Variants in ZFAND3 observed in about 807,000 individuals in gnomAD.
The protein encoded by ZFAND3 is zinc finger AN1-type containing 3.
ZFAND3 carries 10 observed loss-of-function variants against 29.6 expected under a neutral mutation model. The observed-to-expected ratio is 0.34, with a 90% confidence interval of 0.21 to 0.57. The LOEUF (loss-of-function observed/expected upper bound fraction) is 0.57. ZFAND3 is among the 20% of genes least tolerant of loss of function. The pLI is 0.86. For missense variants in ZFAND3, 230 were observed against 304.5 expected, an observed-to-expected ratio of 0.76 and a Z score of 1.82; for synonymous variants, 128 against 112.6, an observed-to-expected ratio of 1.14 and a Z score of -0.87.
chr6:38,038,028 T>TG (rs1469898751), intron 2 of ZFAND3, among the ~76,000 whole-genome samples: 2 of 152,126 alleles, frequency 1.3e-5, no homozygotes, highest in African/African-American at 4.8e-5. Context: ...ACAGAGAGAT[T>TG]GGAGGGTAAA....
At chr6:37,981,792 A>AG (rs2127432554) in intron 2 of ZFAND3, among the ~76,000 whole-genome samples, 1 of 152,260 alleles carries the variant, frequency 6.6e-6, no homozygotes, top group African/African-American at 2.4e-5. Context: ...GCCAGGGTTA[A>AG]GGATGCACCT....
intron 1 of ZFAND3, among the ~76,000 whole-genome samples, chr6:37,876,573 A>G (rs1764796183): frequency 1.3e-5 from 2 of 152,220 alleles, no homozygotes; most frequent in Admixed American, 1.3e-4. Context: ...TCTTGTATAT[A>G]TTCATGTAGT....
chr6:37,972,698 T>G (rs76373871), intron 2 of ZFAND3, among the ~76,000 whole-genome samples: 1 of 101,888 alleles, frequency 9.8e-6, no homozygotes, highest in East Asian at 4.1e-4. Context: ...GGCCTATTAA[T>G]TTTTTTTTTT....
chr6:37,850,222 G>A (rs1294950634), intron 1 of ZFAND3, among the ~76,000 whole-genome samples: 5 of 152,190 alleles, frequency 3.3e-5, no homozygotes, highest in Admixed American at 2.0e-4. Flanking sequence ...TTCAGTTGAA[G>A]CTCTTTAGAG....
intron 5 of ZFAND3, among the ~76,000 whole-genome samples, chr6:38,137,237 A>G (rs1160364789): frequency 6.6e-6 from 1 of 152,228 alleles, no homozygotes. Flanking sequence ...CTGTTAGGAA[A>G]GTAAACGTGC....
intron 2 of ZFAND3, among the ~76,000 whole-genome samples, chr6:37,934,940 C>T (rs763733017): frequency 2.4e-4 from 36 of 151,956 alleles, no homozygotes; most frequent in Non-Finnish European, 4.4e-4. Flanking sequence ...CTACCTTCCC[C>T]GTCAGTCCCC....
At chr6:38,057,503 C>T (rs1025043587) in intron 2 of ZFAND3, among the ~76,000 whole-genome samples, 3 of 152,192 alleles carry the variant, frequency 2.0e-5, no homozygotes, top group African/African-American at 7.2e-5. Context: ...GTTAAGTACT[C>T]ATGTGCTAGG....
chr6:38,107,654 A>G (rs1765235019), intron 4 of ZFAND3, among the ~76,000 whole-genome samples: 1 of 152,178 alleles, frequency 6.6e-6, no homozygotes, highest in Admixed American at 6.5e-5. Flanking sequence ...CAACATGGCA[A>G]AACTCTGTCT....
rs1761216339 is a variant in ZFAND3 at position 37,915,068 on chromosome 6, T to C, written c.72-14891T>C. 1.3e-5 allele frequency among the ~76,000 whole-genome samples: 2 copies of C among 152,242 alleles called. 1 individual carries two copies. The highest frequency in any genetic ancestry group is 4.1e-4 in the South Asian group (2 of 4,834). Reference sequence around the variant, plus strand: ...TAGCTAGATCTTTTGGATAACTTGTTCCAGCTTGTACAACAGCACTTGCTG... The same window carrying C: ...TAGCTAGATCTTTTGGATAACTTGTCCCAGCTTGTACAACAGCACTTGCTG... On this transcript the variant is annotated intron_variant, in intron 1 of 5. Coordinates refer to ENST00000287218, the MANE Select transcript of ZFAND3 (RefSeq NM_021943.3).
chr6:37,941,185 T>C (rs530308384), intron 2 of ZFAND3, among the ~76,000 whole-genome samples: 131 of 152,366 alleles, frequency 8.6e-4, no homozygotes, highest in Admixed American at 1.8e-3. Context: ...ATTTGATCAA[T>C]GGAAGTTTAG....
intron 2 of ZFAND3, among the ~76,000 whole-genome samples, chr6:37,954,675 A>T (rs1335994341): frequency 6.6e-6 from 1 of 151,948 alleles, no homozygotes; most frequent in Non-Finnish European, 1.5e-5. Flanking sequence ...TTATTACTGT[A>T]TTTTGTCTCG....
chr6:38,033,928 G>T (rs934546676), intron 2 of ZFAND3, among the ~76,000 whole-genome samples: 3 of 151,976 alleles, frequency 2.0e-5, no homozygotes, highest in African/African-American at 7.3e-5. Context: ...GTTTAAAAGG[G>T]TACTTACTGT....
chr6:38,123,823 G>A (rs1765579392), intron 5 of ZFAND3, among the ~76,000 whole-genome samples: 1 of 152,132 alleles, frequency 6.6e-6, no homozygotes, highest in Non-Finnish European at 1.5e-5. Context: ...GGCTTCAGGA[G>A]TGAAGCTGCA....
At chr6:37,911,767 T>G (rs988778455) in intron 1 of ZFAND3, among the ~76,000 whole-genome samples, 1 of 152,164 alleles carries the variant, frequency 6.6e-6, no homozygotes, top group African/African-American at 2.4e-5. Context: ...TGTTAGACAT[T>G]CAGTTCAACA....
At chr6:38,116,113 A>G (rs1765411937) in intron 4 of ZFAND3, among the ~76,000 whole-genome samples, 1 of 152,240 alleles carries the variant, frequency 6.6e-6, no homozygotes, top group African/African-American at 2.4e-5. Flanking sequence ...TTGTGAAAGC[A>G]TAGTGATACA....
At chr6:37,866,103 A>T (rs1018239950) in intron 1 of ZFAND3, among the ~76,000 whole-genome samples, 1 of 152,034 alleles carries the variant, frequency 6.6e-6, no homozygotes, top group Non-Finnish European at 1.5e-5. Context: ...AAACTGCTAG[A>T]TGTGAGCTGC....
At chr6:37,824,832 C>T (rs530492369) in intron 1 of ZFAND3, among the ~76,000 whole-genome samples, 1 of 152,080 alleles carries the variant, frequency 6.6e-6, no homozygotes, top group South Asian at 2.1e-4. Flanking sequence ...ATTTTGCCTA[C>T]AAACTAAATT....
intron 1 of ZFAND3, among the ~76,000 whole-genome samples, chr6:37,848,818 C>G (rs1007148010): frequency 2.6e-5 from 4 of 151,940 alleles, no homozygotes; most frequent in Non-Finnish European, 4.4e-5. Flanking sequence ...TGTTTGGTGT[C>G]TCGATGCTGG....
At chr6:37,955,930 A>G (rs1169955676) in intron 2 of ZFAND3, among the ~76,000 whole-genome samples, 2 of 152,218 alleles carry the variant, frequency 1.3e-5, no homozygotes, top group Non-Finnish European at 2.9e-5. Flanking sequence ...CAGTCACTGA[A>G]CAGAATAAGA....
Sources: allele counts gnomAD v4.1 joint callset (sites outside exome capture counted in the v4.1 genomes callset), GRCh38; gene constraint gnomAD v4.1.1; transcripts MANE v1.5; gene names NCBI Gene and HGNC (gene_info 2026-07-23, HGNC 2026-07-21).